The following SVEP1 variants were observed in gnomAD, a reference collection of about 807,000 sequenced individuals.
The protein encoded by SVEP1 is sushi, von Willebrand factor type A, EGF and pentraxin domain containing 1.
SVEP1 carries 164 observed loss-of-function variants against 367.3 expected under a neutral mutation model. That is an observed-to-expected ratio of 0.45 (90% CI 0.39 to 0.51). The LOEUF (loss-of-function observed/expected upper bound fraction) is 0.51, where lower values mean the gene tolerates loss of function less well. SVEP1 is among the 20% of genes least tolerant of loss of function. The pLI is 0.00. For synonymous variants in SVEP1, 1,666 were observed against 1,611.6 expected (o/e 1.03, Z -0.81); for missense variants, 4,117 against 4,425.3 (o/e 0.93, Z 1.98).
intron 3 of SVEP1, among the ~76,000 whole-genome samples, chr9:110,522,141 G>T (rs1379189693): frequency 1.3e-5 from 2 of 152,024 alleles, no homozygotes; most frequent in African/African-American, 2.4e-5. Flanking sequence ...ATTACCAATG[G>T]ATAATTATTT....
At chr9:110,466,591 T>C (rs549054124) in intron 17 of SVEP1, among the ~76,000 whole-genome samples, 70 of 150,976 alleles carry the variant, frequency 4.6e-4, no homozygotes, top group African/African-American at 1.7e-3. Flanking sequence ...ACCCCGTCTC[T>C]ACTAAAAAAA....
At chr9:110,494,376 G>A (rs1401345978) in intron 8 of SVEP1, among the ~76,000 whole-genome samples, 1 of 152,132 alleles carries the variant, frequency 6.6e-6, no homozygotes, top group East Asian at 1.9e-4. Context: ...CAAGATTCAA[G>A]CTTTTATTTA....
At chr9:110,565,058 C>T (rs1830474743) in intron 1 of SVEP1, among the ~76,000 whole-genome samples, 1 of 152,114 alleles carries the variant, frequency 6.6e-6, no homozygotes, top group African/African-American at 2.4e-5. Context: ...GATCATGGAG[C>T]TAACTGCTAT....
chr9:110,574,563 T>C (rs1830602679), intron 1 of SVEP1, among the ~76,000 whole-genome samples: 1 of 152,158 alleles, frequency 6.6e-6, no homozygotes, highest in Admixed American at 6.5e-5. Context: ...TTCTGCCTGA[T>C]CCCTATGCAA....
At chr9:110,481,487 A>G in intron 11 of SVEP1, 51 bp from the exon 12 acceptor site, 1 of 1,308,598 alleles carries the variant, frequency 7.6e-7, no homozygotes, top group Non-Finnish European at 9.9e-7. Context: ...AGAAGCATAA[A>G]TTAAATTCCA....
chr9:110,569,639 C>A (rs1830531278), intron 1 of SVEP1, among the ~76,000 whole-genome samples: 1 of 152,062 alleles, frequency 6.6e-6, no homozygotes, highest in South Asian at 2.1e-4. Flanking sequence ...GTAATAAGTC[C>A]TACTAAGAAC....
At chr9:110,442,048 A>C (rs1293869815) in intron 27 of SVEP1, among the ~76,000 whole-genome samples, 1 of 152,176 alleles carries the variant, frequency 6.6e-6, no homozygotes, top group Non-Finnish European at 1.5e-5. Context: ...GCTTTCAACA[A>C]GGCCCAGGCT....
chr9:110,449,590 G>C (rs2118607644), intron 24 of SVEP1, among the ~76,000 whole-genome samples: 1 of 152,298 alleles, frequency 6.6e-6, no homozygotes, highest in African/African-American at 2.4e-5. Context: ...GGTTGAGGCA[G>C]GAGAATCGCT....
At chr9:110,560,307 T>A (rs1307937232) in intron 1 of SVEP1, among the ~76,000 whole-genome samples, 3 of 152,188 alleles carry the variant, frequency 2.0e-5, no homozygotes, top group Admixed American at 6.5e-5. Flanking sequence ...CAGTCTGTGA[T>A]ATTCACACAA....
intron 39 of SVEP1, among the ~76,000 whole-genome samples, chr9:110,403,993 C>T (rs939877653): frequency 2.6e-5 from 4 of 151,824 alleles, no homozygotes; most frequent in African/African-American, 7.3e-5. Context: ...TTTGTCTTTC[C>T]ACTAAAACTG....
rs1830670512 is a variant in SVEP1, at chr9:110,579,637, G to A, written c.-94C>T. On this transcript the variant is annotated 5_prime_UTR_variant, in exon 1 of 48. Transcript: ENST00000374469. This position sits in a 1 kb window ranked among gnomAD's most constrained non-coding sequence, Gnocchi z 5.3. ...CCGGACTCGCAGAGGGGCGTGCGCG[G>A]AGCTGGGCGCGGGGCAGCGGCCAAG... 11 of 1,391,216 alleles carry A rather than the reference G, an allele frequency of 7.9e-6. No homozygotes were observed. Among genetic ancestry groups the A allele is most frequent in the African/African-American group, 1.5e-5 (1 of 64,980 alleles). The allele number at this position is 1,391,216 out of a possible 1,614,324, so 86.2% of individuals were successfully genotyped here.
intron 22 of SVEP1, among the ~76,000 whole-genome samples, chr9:110,453,037 T>C (rs1828716436): frequency 6.6e-6 from 1 of 152,232 alleles, no homozygotes. Context: ...TGATTACTAC[T>C]GTAAGTTATG....
At chr9:110,472,589 T>C (rs752694972) in intron 14 of SVEP1, among the ~76,000 whole-genome samples, 5 of 152,202 alleles carry the variant, frequency 3.3e-5, no homozygotes, top group South Asian at 2.1e-4. Context: ...ACTCTATCTT[T>C]GAGTTAATAG....
intron 24 of SVEP1, among the ~76,000 whole-genome samples, chr9:110,449,608 G>A (rs553482592): frequency 6.6e-6 from 1 of 152,078 alleles, no homozygotes; most frequent in African/African-American, 2.4e-5. Context: ...GCTTTAAACC[G>A]GGAGAAAGAG....
chr9:110,510,823 T>C (rs1346383328), intron 5 of SVEP1, among the ~76,000 whole-genome samples: 2 of 152,264 alleles, frequency 1.3e-5, no homozygotes, highest in South Asian at 2.1e-4. Context: ...CTTAGAACTA[T>C]TGACTTCACG....
chr9:110,532,951 C>G lies in SVEP1; in HGVS notation c.964+13164G>C, dbSNP rs10980431. 6.8e-3 allele frequency among the ~76,000 whole-genome samples: 1,034 copies of G among 152,224 alleles called. 16 individuals are homozygous for G. The highest frequency in any genetic ancestry group is 0.024 in the African/African-American group (979 of 41,558). ...TCATGGAAGATAATTTTTCCACTGA[C>G]TAGGGTACGGGATGGTTTCAGGATG... On this transcript the variant is annotated intron_variant, in intron 3 of 47. Transcript: ENST00000374469.
intron 46 of SVEP1, among the ~76,000 whole-genome samples, chr9:110,371,834 G>A (rs1827280837): frequency 6.6e-6 from 1 of 152,110 alleles, no homozygotes; most frequent in East Asian, 1.9e-4. Context: ...ACTAATTCTT[G>A]CCAATTCTGC....
At chr9:110,413,018 T>A in intron 36 of SVEP1, among the ~76,000 whole-genome samples, 1 of 151,650 alleles carries the variant, frequency 6.6e-6, no homozygotes, top group Non-Finnish European at 1.5e-5. Flanking sequence ...AAATACCATT[T>A]GACCCAGCAA....
intron 1 of SVEP1, among the ~76,000 whole-genome samples, chr9:110,550,508 ATCTATCTATCTATCTATCTG>A (rs1186479887): frequency 6.6e-6 from 1 of 151,324 alleles, no homozygotes; most frequent in Admixed American, 6.6e-5. Context: ...CTATCTATCT[ATCTATCTATCTATCTATCTG>A]TCTATCATCT....
Sources: gnomAD v4.1 joint callset for allele counts (sites outside exome capture counted in the v4.1 genomes callset) on GRCh38, gnomAD v4.1.1 for gene constraint, Gnocchi (gnomAD v3.1) non-coding constraint, MANE v1.5 for transcripts, NCBI Gene and HGNC (gene_info 2026-07-23, HGNC 2026-07-21) for gene names.